The following KALRN variants were observed in gnomAD, a reference collection of about 807,000 sequenced individuals.
The protein encoded by KALRN is kalirin RhoGEF kinase, also known as kalirin.
A neutral mutation model predicts 353.7 loss-of-function variants in KALRN; 70 were observed. That is an observed-to-expected ratio of 0.20 (90% confidence interval 0.16 to 0.24). KALRN has a LOEUF of 0.24. Ranked by LOEUF, KALRN falls within the 10% of genes least tolerant of loss-of-function variation. The probability of loss-of-function intolerance (pLI) is 1.00; values close to 1 mark genes in which losing one functional copy is unlikely to be tolerated. For missense variants in KALRN, 2,791 were observed against 3,756.7 expected, an observed-to-expected ratio of 0.74 and a Z score of 6.72; for synonymous variants, 1,391 against 1,434.8, an observed-to-expected ratio of 0.97 and a Z score of 0.69.
chr3:124,368,243 AC>A (rs1258361647), intron 10 of KALRN, among the ~76,000 whole-genome samples: 1 of 116,996 alleles, frequency 8.5e-6, no homozygotes, highest in African/African-American at 3.5e-5. Context: ...CGGGGGGCTG[AC>A]CCCCCCACCT....
chr3:124,577,656 G>A (rs950865390), intron 34 of KALRN, among the ~76,000 whole-genome samples: 3 of 152,162 alleles, frequency 2.0e-5, no homozygotes, highest in Admixed American at 2.0e-4. Flanking sequence ...GGAGGCTGAG[G>A]TAGGATGATT....
At chr3:124,296,756 C>T (rs568501155) in intron 5 of KALRN, among the ~76,000 whole-genome samples, 9 of 152,374 alleles carry the variant, frequency 5.9e-5, no homozygotes, top group Admixed American at 5.2e-4. Context: ...GAGGACCCTT[C>T]ATTGCCCTCG....
chr3:124,296,597 A>T (rs1305185012), intron 5 of KALRN, among the ~76,000 whole-genome samples: 1 of 152,068 alleles, frequency 6.6e-6, no homozygotes, highest in African/African-American at 2.4e-5. Context: ...TTCACTACCC[A>T]GCTTAAAACC....
chr3:124,367,000 G>A (rs1434591362), intron 10 of KALRN, among the ~76,000 whole-genome samples: 3 of 140,380 alleles, frequency 2.1e-5, no homozygotes, highest in African/African-American at 8.1e-5. Context: ...GCGGCTGGCC[G>A]GGTTGGGGGG....
chr3:124,384,701 C>A, intron 10 of KALRN, 144 bp from the exon 11 acceptor site: 1 of 724,110 alleles, frequency 1.4e-6, no homozygotes, highest in Non-Finnish European at 2.2e-6. Flanking sequence ...GGCGTGCCAG[C>A]TCCGCGCACC....
At chr3:124,379,438 T>TA (rs1239562025) in intron 10 of KALRN, among the ~76,000 whole-genome samples, 1 of 152,182 alleles carries the variant, frequency 6.6e-6, no homozygotes, top group Non-Finnish European at 1.5e-5. Context: ...TCGTGAGTTT[T>TA]ACCTTGTCAG....
intron 33 of KALRN, among the ~76,000 whole-genome samples, chr3:124,556,203 G>A (rs569453638): frequency 2.6e-5 from 4 of 152,222 alleles, no homozygotes; most frequent in Admixed American, 6.5e-5. Context: ...CACACCATGG[G>A]AAACAACTAA....
chr3:124,067,484 G>A (rs2042467529), intron 1 of KALRN, among the ~76,000 whole-genome samples: 1 of 151,788 alleles, frequency 6.6e-6, no homozygotes, highest in Non-Finnish European at 1.5e-5. Flanking sequence ...AAAGCACACA[G>A]CAAAAAACAA....
At chr3:124,332,991 A>T (rs2080755396) in intron 8 of KALRN, among the ~76,000 whole-genome samples, 1 of 152,170 alleles carries the variant, frequency 6.6e-6, no homozygotes, top group Non-Finnish European at 1.5e-5. Flanking sequence ...GGTTTGATGC[A>T]CTCACAGTTT....
intron 57 of KALRN, among the ~76,000 whole-genome samples, chr3:124,704,060 G>A (rs1404977866): frequency 6.6e-6 from 1 of 152,118 alleles, no homozygotes; most frequent in East Asian, 1.9e-4. Context: ...GTGGAGCCAG[G>A]ATTCAAATTC....
Position 124,334,207 on chromosome 3 carries a change from T to A in KALRN, c.1417-58T>A. ...CCCTCAGGCAGACACTTCCTGCTTC[T>A]CTCTGTGCCCTGCCTATCACCCTTT... On this transcript the variant is annotated intron_variant, in intron 8 of 59. Transcript: ENST00000682506. This position sits in a 1 kb window ranked among gnomAD's most constrained non-coding sequence, Gnocchi z 4.2. 1 of 1,437,192 alleles carries A rather than the reference T, an allele frequency of 7.0e-7. No homozygotes were observed. The highest frequency in any genetic ancestry group is 1.7e-5 in the Admixed American group (1 of 59,564). The allele number at this position is 1,437,192 out of a possible 1,614,324, so 89.0% of individuals were successfully genotyped here. A position where few individuals can be genotyped will look rare whatever the true frequency, so the allele number is the denominator to read the frequency against.
Position 124,391,579 on chromosome 3 carries a change from A to T in KALRN, c.1963-3556A>T, listed in dbSNP as rs145189188. Among the ~76,000 whole-genome samples, 66 of 152,316 alleles carry T rather than the reference A, an allele frequency of 4.3e-4. No individual in the cohort carries two copies. The East Asian group carries it at 0.012, about 27-fold the overall frequency. The stretch of plus-strand genomic sequence containing the variant: ...TTCAAAGCATGTTCTTCAGCGCTAA[A>T]TCGGAGGGACATACATAGAGGAAAC... On this transcript the variant is annotated intron_variant, in intron 11 of 59. Transcript: ENST00000682506.
At chr3:124,580,175 A>G (rs13062330) in intron 34 of KALRN, among the ~76,000 whole-genome samples, 37,851 of 152,130 alleles carry the variant, frequency 0.25, 4,868 homozygotes, top group East Asian at 0.33. Context: ...AGCTCTGGGA[A>G]TGGAGCCTAA....
chr3:124,110,325 GATATATATATGACATATATATCATA>G (rs2062809320), intron 1 of KALRN, among the ~76,000 whole-genome samples: 2 of 38,602 alleles, frequency 5.2e-5, no homozygotes, highest in Non-Finnish European at 1.4e-4. Flanking sequence ...GTCATACTTT[GATATATATATGACATATATATCATA>G]CTTTGATATA....
chr3:124,230,895 C>T (rs949337950), intron 2 of KALRN, among the ~76,000 whole-genome samples: 1 of 145,990 alleles, frequency 6.8e-6, no homozygotes, highest in East Asian at 2.0e-4. Context: ...CCAAACCAAC[C>T]AACTCTTACA....
chr3:124,138,630 C>T (rs1428327004), intron 1 of KALRN, among the ~76,000 whole-genome samples: 1 of 152,138 alleles, frequency 6.6e-6, no homozygotes, highest in Non-Finnish European at 1.5e-5. Context: ...ATATTCTCTC[C>T]CTCCACCTTT....
intron 34 of KALRN, among the ~76,000 whole-genome samples, chr3:124,587,565 G>T (rs1279330403): frequency 6.6e-6 from 1 of 152,130 alleles, no homozygotes. Context: ...CAAGGATTTA[G>T]ATAAAGTACC....
intron 10 of KALRN, among the ~76,000 whole-genome samples, chr3:124,351,421 C>T (rs2082820513): frequency 6.6e-6 from 1 of 152,154 alleles, no homozygotes; most frequent in Non-Finnish European, 1.5e-5. Context: ...GATTCCTTTA[C>T]CTGAGGCTGA....
chr3:124,040,019 T>A (rs9815455), intron 1 of KALRN, among the ~76,000 whole-genome samples: 139,466 of 152,204 alleles, frequency 0.92, 64,625 homozygotes, highest in East Asian at 1. Context: ...TATATTTTAG[T>A]ACATATCAGT....
Sources: gnomAD v4.1 joint callset for allele counts (sites outside exome capture counted in the v4.1 genomes callset) on GRCh38, gnomAD v4.1.1 for gene constraint, Gnocchi (gnomAD v3.1) non-coding constraint, MANE v1.5 for transcripts, NCBI Gene and HGNC (gene_info 2026-07-23, HGNC 2026-07-21) for gene names.